Variants in POU6F2 observed in about 807,000 individuals in gnomAD.
POU6F2 encodes the protein POU domain, class 6, transcription factor 2.
Under a neutral mutation model 71.3 loss-of-function variants are expected in POU6F2, and 31 were observed. That is an observed-to-expected ratio of 0.43 (90% CI 0.33 to 0.59). The LOEUF (loss-of-function observed/expected upper bound fraction) is 0.59, where lower values mean the gene tolerates loss of function less well. Among genes scored for constraint, POU6F2 ranks in the 20% least tolerant of loss-of-function variants. The pLI, the probability that POU6F2 is intolerant of heterozygous loss-of-function variation, is 0.04. For synonymous variants in POU6F2, 347 were observed against 355.7 expected (o/e 0.98, Z 0.27); for missense variants, 783 against 856.8 (o/e 0.91, Z 1.07).
At chr7:39,144,244 A>G (rs1792567248) in intron 2 of POU6F2, among the ~76,000 whole-genome samples, 1 of 152,232 alleles carries the variant, frequency 6.6e-6, no homozygotes, top group Non-Finnish European at 1.5e-5. Context: ...GATAAGAAGT[A>G]TTGAGATCTT....
intron 2 of POU6F2, among the ~76,000 whole-genome samples, chr7:39,183,068 C>T (rs1031756012): frequency 2.0e-5 from 3 of 152,162 alleles, no homozygotes; most frequent in African/African-American, 7.2e-5. Context: ...GAGAGGCAGG[C>T]AAGTGAGCAT....
intron 4 of POU6F2, among the ~76,000 whole-genome samples, chr7:39,270,306 G>T (rs1456136949): frequency 6.6e-6 from 1 of 152,144 alleles, no homozygotes; most frequent in African/African-American, 2.4e-5. Context: ...TAGCACCATG[G>T]GTGCTTTGTA....
chr7:39,107,998 G>T (rs749771564), intron 2 of POU6F2, among the ~76,000 whole-genome samples: 1 of 152,210 alleles, frequency 6.6e-6, no homozygotes, highest in African/African-American at 2.4e-5. Flanking sequence ...ACAGAGCAAC[G>T]TGGAAAGGGT....
chr7:38,996,871 C>G (rs553716387), intron 1 of POU6F2, among the ~76,000 whole-genome samples: 1 of 152,168 alleles, frequency 6.6e-6, no homozygotes, highest in African/African-American at 2.4e-5. Flanking sequence ...TGACTCCCCC[C>G]ACCTTTAATG....
intron 8 of POU6F2, among the ~76,000 whole-genome samples, chr7:39,452,962 T>C (rs1404115200): frequency 6.6e-6 from 1 of 152,124 alleles, no homozygotes; most frequent in Non-Finnish European, 1.5e-5. Context: ...CGTGGTGGCA[T>C]GTGCCTGTAA....
chr7:39,194,562 TC>T (rs1793741206), intron 2 of POU6F2, among the ~76,000 whole-genome samples: 1 of 151,242 alleles, frequency 6.6e-6, no homozygotes, highest in Non-Finnish European at 1.5e-5. Context: ...CAATCAGCGC[TC>T]TGTAAAGTGG....
chr7:39,149,050 G>A (rs866852707), intron 2 of POU6F2, among the ~76,000 whole-genome samples: 1 of 152,084 alleles, frequency 6.6e-6, no homozygotes, highest in African/African-American at 2.4e-5. Context: ...AGGGAGGGAG[G>A]GGATTGTTGA....
At chr7:39,247,405 C>T (rs1365139696) in intron 4 of POU6F2, among the ~76,000 whole-genome samples, 1 of 151,960 alleles carries the variant, frequency 6.6e-6, no homozygotes, top group Non-Finnish European at 1.5e-5. Context: ...GAGCCAAGAT[C>T]TCACCTCTGC....
chr7:39,214,585 C>G (rs1487771306), intron 4 of POU6F2, among the ~76,000 whole-genome samples: 1 of 152,202 alleles, frequency 6.6e-6, no homozygotes, highest in Non-Finnish European at 1.5e-5. Context: ...ATGTCTGACT[C>G]TGCCCCTAGA....
At chr7:38,982,426 T>C (rs1242517557) in intron 1 of POU6F2, among the ~76,000 whole-genome samples, 2 of 152,166 alleles carry the variant, frequency 1.3e-5, no homozygotes, top group African/African-American at 4.8e-5. Context: ...ATTCTTTTGG[T>C]AAGTTCCAGA....
intron 2 of POU6F2, among the ~76,000 whole-genome samples, chr7:39,152,751 C>A (rs1227957492): frequency 6.6e-6 from 1 of 152,156 alleles, no homozygotes; most frequent in Non-Finnish European, 1.5e-5. Context: ...TATTTTTCAG[C>A]TATTTGCTGC....
chr7:39,297,414 G>A (rs530982381), intron 4 of POU6F2, among the ~76,000 whole-genome samples: 4 of 152,224 alleles, frequency 2.6e-5, no homozygotes, highest in South Asian at 2.1e-4. Context: ...CGTGGGCCAC[G>A]TTATTATAAT....
Position 39,109,849 on chromosome 7 carries a change from T to C in POU6F2, c.277+23818T>C, listed in dbSNP as rs143358614. Reference sequence around the variant, plus strand: ...TAGATCGAAGTAGCTCTTGAAAAATTATGTATCTCTCTAATTCTACCATGA... The same window carrying C: ...TAGATCGAAGTAGCTCTTGAAAAATCATGTATCTCTCTAATTCTACCATGA... On this transcript the variant is annotated intron_variant, in intron 2 of 9. Transcript: ENST00000518318. Among the ~76,000 whole-genome samples the C allele has an allele frequency of 2.6e-3, 392 of 152,336 alleles. 2 individuals are homozygous for C. Among genetic ancestry groups the C allele is most frequent in the Non-Finnish European group, 4.3e-3 (291 of 68,030 alleles).
At chr7:39,416,351 T>C (rs1450622515) in intron 6 of POU6F2, among the ~76,000 whole-genome samples, 1 of 152,176 alleles carries the variant, frequency 6.6e-6, no homozygotes, top group Admixed American at 6.5e-5. Context: ...TGTCCTGGCT[T>C]CCAGTGAGGC....
intron 1 of POU6F2, among the ~76,000 whole-genome samples, chr7:38,993,493 C>T (rs187168274): frequency 3.8e-4 from 51 of 134,368 alleles, no homozygotes; most frequent in African/African-American, 1.3e-3. Flanking sequence ...AGACTGAAAT[C>T]GGGATTTCTC....
At chr7:39,186,886 G>T (rs115603810) in intron 2 of POU6F2, among the ~76,000 whole-genome samples, 1,823 of 152,290 alleles carry the variant, frequency 0.012, 39 homozygotes, top group African/African-American at 0.041. Flanking sequence ...CTAATGCTCA[G>T]AATCTCAGTA....
chr7:39,432,576 G>A (rs959780946), intron 6 of POU6F2, among the ~76,000 whole-genome samples: 3 of 152,080 alleles, frequency 2.0e-5, no homozygotes, highest in African/African-American at 4.8e-5. Flanking sequence ...TGGGGGTATC[G>A]GGGAGCCCCT....
intron 1 of POU6F2, among the ~76,000 whole-genome samples, chr7:39,036,983 A>G (rs923785692): frequency 2.0e-5 from 3 of 151,948 alleles, no homozygotes; most frequent in African/African-American, 7.3e-5. Flanking sequence ...TTTTGTATAC[A>G]GACTATTTCA....
At chr7:39,269,367 A>G (rs1784304382) in intron 4 of POU6F2, among the ~76,000 whole-genome samples, 1 of 152,132 alleles carries the variant, frequency 6.6e-6, no homozygotes. Flanking sequence ...CCTCCTAGTA[A>G]AGGGGTCAGG....
Sources: gnomAD v4.1 joint callset for allele counts (sites outside exome capture counted in the v4.1 genomes callset) on GRCh38, gnomAD v4.1.1 for gene constraint, MANE v1.5 for transcripts, NCBI Gene and HGNC (gene_info 2026-07-23, HGNC 2026-07-21) for gene names.